HLTF: variants seen among roughly 807,000 people sequenced by gnomAD.
HLTF encodes helicase like transcription factor.
Under a neutral mutation model 129.4 loss-of-function variants are expected in HLTF, and 127 were observed. The ratio of observed to expected loss-of-function variants is 0.98; its 90% CI spans 0.85 to 1.14. The LOEUF (loss-of-function observed/expected upper bound fraction) is 1.14. HLTF is among the 50% of genes most tolerant of loss of function. The probability of loss-of-function intolerance (pLI) is 0.00; values close to 1 mark genes in which losing one functional copy is unlikely to be tolerated. For synonymous variants in HLTF, 332 were observed against 388.8 expected, an observed-to-expected ratio of 0.85 and a Z score of 1.72; for missense variants, 1,139 against 1,187.1, an observed-to-expected ratio of 0.96 and a Z score of 0.60.
In HLTF at chr3:149,086,486, G is replaced by T; in HGVS notation, c.-150C>A. 5.0e-6 allele frequency: 4 copies of T among 806,926 alleles called. No individual in the cohort carries two copies. The highest frequency in any genetic ancestry group is 7.9e-6 in the Non-Finnish European group (4 of 503,898). 50.0% of individuals were successfully genotyped at this position (806,926 alleles called of 1,614,324 possible). On this transcript the variant is annotated 5_prime_UTR_variant, in exon 1 of 25. Coordinates refer to ENST00000310053, the MANE Select transcript of HLTF (RefSeq NM_003071.4). The stretch of plus-strand genomic sequence containing the variant: ...GGAGCGCACGACTGAAAGGTAAGTC[G>T]CCGCGAGTCCAGTCAGACGTCGACG...
chr3:149,058,568 T>G (rs1267777138), intron 13 of HLTF, among the ~76,000 whole-genome samples: 1 of 152,252 alleles, frequency 6.6e-6, no homozygotes, highest in African/African-American at 2.4e-5. Flanking sequence ...ACACATTATC[T>G]TCTTCAGTTT....
At chr3:149,075,138 G>A (rs182215535) in intron 3 of HLTF, among the ~76,000 whole-genome samples, 7 of 152,220 alleles carry the variant, frequency 4.6e-5, no homozygotes, top group East Asian at 1.9e-4. Flanking sequence ...TATAAAATGC[G>A]GACTTAGCTA....
intron 2 of HLTF, among the ~76,000 whole-genome samples, chr3:149,081,481 G>A (rs188482845): frequency 6.6e-6 from 1 of 152,088 alleles, no homozygotes; most frequent in Admixed American, 6.5e-5. Flanking sequence ...AAAACCGAAT[G>A]TAAGAGTAAT....
chr3:149,037,623 A>G (rs557624546), intron 23 of HLTF, among the ~76,000 whole-genome samples: 1 of 152,310 alleles, frequency 6.6e-6, no homozygotes, highest in South Asian at 2.1e-4. Flanking sequence ...GTAAACATAT[A>G]TGCATCAACA....
intron 24 of HLTF, among the ~76,000 whole-genome samples, chr3:149,032,594 A>C (rs1715192655): frequency 6.6e-6 from 1 of 152,206 alleles, no homozygotes; most frequent in Non-Finnish European, 1.5e-5. Context: ...AGATCACAAG[A>C]TAAGCAAAGC....
rs759478589 is a variant in HLTF at position 149,084,890 on chromosome 3, C to T, written c.21-1G>A. 1 of 1,608,340 alleles carries T rather than the reference C, an allele frequency of 6.2e-7. No individual in the cohort carries two copies. The highest frequency in any genetic ancestry group is 1.1e-5 in the South Asian group (1 of 89,826). ...CTGCAAGTACTTCCAAACTGGATCC[C>T]TATTTTTTTTTAAAGGCAAAGAAAA... On this transcript the variant is annotated splice_acceptor_variant, in intron 1 of 24. Transcript: ENST00000310053. LOFTEE classifies it high-confidence loss of function.
At chr3:149,035,859 G>A (rs1369951273) in intron 23 of HLTF, among the ~76,000 whole-genome samples, 6 of 152,036 alleles carry the variant, frequency 3.9e-5, no homozygotes, top group Non-Finnish European at 7.4e-5. Flanking sequence ...TGATGGGTCC[G>A]GCACAGTGGC....
intron 10 of HLTF, chr3:149,062,906 C>T (rs1245757907): frequency 8.8e-6 from 2 of 227,134 alleles, no homozygotes; most frequent in East Asian, 2.0e-4. Context: ...TTTACCAATT[C>T]ATTTCTTTTA....
intron 3 of HLTF, among the ~76,000 whole-genome samples, chr3:149,074,940 A>C (rs1406295957): frequency 1.3e-5 from 2 of 152,158 alleles, no homozygotes; most frequent in Non-Finnish European, 2.9e-5. Flanking sequence ...GGTAACTGAA[A>C]GATTGAAAGA....
At position 149,050,212 on chromosome 3, in the gene HLTF, T is replaced by A; in HGVS notation, c.1617+20A>T. 6.8e-7 allele frequency: 1 copy of A among 1,463,890 alleles called. No homozygotes were observed. 90.7% of individuals were successfully genotyped at this position (1,463,890 alleles called of 1,614,324 possible). ...TACATTCAATCTTTAAAAGATCTGT[T>A]AAGTATCAACAATACTTACTCCATA... is the stretch of plus-strand genomic sequence containing the variant. On this transcript the variant is annotated intron_variant, in intron 15 of 24. Coordinates refer to ENST00000310053, the MANE Select transcript of HLTF (RefSeq NM_003071.4).
At chr3:149,049,125 A>G in intron 15 of HLTF, 124 bp from the exon 16 acceptor site, 1 of 564,920 alleles carries the variant, frequency 1.8e-6, no homozygotes. Context: ...TACTGCTTTA[A>G]GCACTACATT....
At position 149,034,944 on chromosome 3, in the gene HLTF, G is replaced by T; in HGVS notation, c.2851C>A (p.Gln951Lys). Reference protein sequence around the residue: ...QCFDRCHRLGQKQEVIITKFI... With the variant: ...QCFDRCHRLGKKQEVIITKFI... ...TTTGTGATGATAACTTCTTGCTTCT[G>T]ACCAAGTCTATGGCATCTGTCAAAG... is the stretch of plus-strand genomic sequence containing the variant. The change falls in exon 24 of 25, where the codon CAG becomes AAG. Residue 951 changes from glutamine to lysine, a missense_variant. Gln to Lys is a moderately conservative substitution (Grantham distance 53). Transcript: ENST00000310053. 1 of 1,613,524 alleles carries T rather than the reference G, an allele frequency of 6.2e-7. No homozygotes were observed. The highest frequency in any genetic ancestry group is 1.1e-5 in the South Asian group (1 of 91,042).
intron 23 of HLTF, 67 bp from the exon 24 acceptor site, chr3:149,035,065 T>G: frequency 9.0e-7 from 1 of 1,115,188 alleles, no homozygotes. Context: ...ATTTGTCCTT[T>G]CATTTCACTA....
chr3:149,043,146 C>T (rs555484410), intron 18 of HLTF, among the ~76,000 whole-genome samples: 24 of 149,576 alleles, frequency 1.6e-4, no homozygotes, highest in Admixed American at 1.1e-3. Context: ...AAAAATATGG[C>T]AAGAGAACAG....
chr3:149,083,285 A>G (rs772817), intron 2 of HLTF, among the ~76,000 whole-genome samples: 113,087 of 151,812 alleles, frequency 0.74, 42,577 homozygotes, highest in African/African-American at 0.84. Flanking sequence ...AAGAACATGC[A>G]TTAATTATAA....
chr3:149,086,394 G>A lies in HLTF; in HGVS notation c.-58C>T. On this transcript the variant is annotated 5_prime_UTR_variant, in exon 1 of 25. Coordinates refer to ENST00000310053, the MANE Select transcript of HLTF (RefSeq NM_003071.4). ...GGCTCCCCTGGATCGTTTTCGAGCC[G>A]CCTCGATACGCCTCCTTCCAGGCCC... The A allele has an allele frequency of 6.5e-7, 1 of 1,535,516 alleles. No individual in the cohort carries two copies. The highest frequency in any genetic ancestry group is 2.0e-5 in the Admixed American group (1 of 51,252).
chr3:149,032,529 C>A (rs1576564069), intron 24 of HLTF, among the ~76,000 whole-genome samples, 157 bp from the exon 25 acceptor site: 1 of 152,138 alleles, frequency 6.6e-6, no homozygotes, highest in African/African-American at 2.4e-5. Flanking sequence ...CTTTGCTTTC[C>A]TTACCCAATA....
rs1325266030 is a variant in HLTF at position 149,030,174 on chromosome 3, C to T, written c.*2046G>A. 2 of 152,012 alleles carry T rather than the reference C, an allele frequency of 1.3e-5. No individual in the cohort carries two copies. The highest frequency in any genetic ancestry group is 1.9e-4 in the East Asian group (1 of 5,196). 9.4% of individuals were successfully genotyped at this position (152,012 alleles called of 1,614,324 possible). A position where few individuals can be genotyped will look rare whatever the true frequency, so the allele number is the denominator to read the frequency against. On this transcript the variant is annotated 3_prime_UTR_variant, in exon 25 of 25. Coordinates refer to ENST00000310053, the MANE Select transcript of HLTF (RefSeq NM_003071.4). Reference sequence around the variant, plus strand: ...TTTTAAATTTAAAATCCAGTTTTAACCACAAAATTGTTTGAATCACAAGTG... The same window carrying T: ...TTTTAAATTTAAAATCCAGTTTTAATCACAAAATTGTTTGAATCACAAGTG...
In HLTF at chr3:149,071,300, G is replaced by C. The variant is rs143449509; in HGVS notation, c.846C>G (p.Asp282Glu). The change falls in exon 7 of 25, where the codon GAC becomes GAG. Residue 282 changes from aspartate (D) to glutamate (E), a missense_variant. Coordinates refer to ENST00000310053, the MANE Select transcript of HLTF (RefSeq NM_003071.4). The part of the protein sequence containing the change: ...YNTITNFSEK[D>E]RPENVHGGIL... ...TTCCTCCATGGACATTTTCTGGTCG[G>C]TCCTTCTCAGAAAAATTTGTTATTG... 2.1e-5 allele frequency: 33 copies of C among 1,609,132 alleles called. No individual in the cohort carries two copies. The highest frequency in any genetic ancestry group is 1.7e-6 in the Non-Finnish European group (2 of 1,177,664).
Sources: gnomAD v4.1 joint callset for allele counts (sites outside exome capture counted in the v4.1 genomes callset) on GRCh38, gnomAD v4.1.1 for gene constraint, MANE v1.5 for transcripts, NCBI Gene and HGNC (gene_info 2026-07-23, HGNC 2026-07-21) for gene names.